The following THEMIS variants were observed in gnomAD, a reference collection of about 807,000 sequenced individuals.
THEMIS encodes the protein protein THEMIS.
A neutral mutation model predicts 52.6 loss-of-function variants in THEMIS; 37 were observed. The observed-to-expected ratio is 0.70, with a 90% CI of 0.54 to 0.93. The LOEUF is 0.93. THEMIS is among the 40% of genes least tolerant of loss of function. THEMIS has a pLI of 0.00. For missense variants in THEMIS, 808 were observed against 763.1 expected, an observed-to-expected ratio of 1.06 and a Z score of -0.69; for synonymous variants, 292 against 272.7, an observed-to-expected ratio of 1.07 and a Z score of -0.70.
chr6:127,798,572 G>A (rs1777409687), intron 4 of THEMIS, among the ~76,000 whole-genome samples: 1 of 152,156 alleles, frequency 6.6e-6, no homozygotes, highest in Admixed American at 6.5e-5. Flanking sequence ...CAGTGTTCAT[G>A]TCTTGGGAAT....
chr6:127,912,111 C>A (rs1781426618), intron 1 of THEMIS, among the ~76,000 whole-genome samples: 1 of 152,148 alleles, frequency 6.6e-6, no homozygotes, highest in African/African-American at 2.4e-5. Context: ...CCTCTTGCAT[C>A]AGCATGATCT....
At chr6:127,871,754 G>A (rs1780163431) in intron 1 of THEMIS, among the ~76,000 whole-genome samples, 1 of 152,060 alleles carries the variant, frequency 6.6e-6, no homozygotes, top group Non-Finnish European at 1.5e-5. Context: ...CATCCAGTAT[G>A]AAATAGATAA....
chr6:127,792,084 T>C (rs1021468631), intron 4 of THEMIS, among the ~76,000 whole-genome samples: 1 of 152,128 alleles, frequency 6.6e-6, no homozygotes, highest in Admixed American at 6.5e-5. Flanking sequence ...GGCTTCCACC[T>C]GTTCCCGGCT....
At chr6:127,888,425 T>C (rs533182246) in intron 1 of THEMIS, among the ~76,000 whole-genome samples, 1 of 152,106 alleles carries the variant, frequency 6.6e-6, no homozygotes, top group East Asian at 1.9e-4. Flanking sequence ...AGGGGATAAA[T>C]GGAAGTTGTG....
At chr6:127,872,288 T>A (rs1280523850) in intron 1 of THEMIS, among the ~76,000 whole-genome samples, 1 of 152,106 alleles carries the variant, frequency 6.6e-6, no homozygotes, top group Admixed American at 6.6e-5. Flanking sequence ...AACAAACTCT[T>A]ACGCTGGGAG....
At chr6:127,844,490 C>T (rs1207654638) in intron 2 of THEMIS, among the ~76,000 whole-genome samples, 1 of 151,596 alleles carries the variant, frequency 6.6e-6, no homozygotes, top group African/African-American at 2.4e-5. Flanking sequence ...AGAAAAATGT[C>T]TTTATCTGGC....
intron 1 of THEMIS, among the ~76,000 whole-genome samples, chr6:127,912,893 A>G (rs1259198932): frequency 1.3e-5 from 2 of 152,226 alleles, no homozygotes; most frequent in African/African-American, 4.8e-5. Flanking sequence ...AACTGCTTTC[A>G]TGTTGAAGTT....
At chr6:127,748,066 GT>G (rs1339060069) in intron 4 of THEMIS, among the ~76,000 whole-genome samples, 1 of 152,072 alleles carries the variant, frequency 6.6e-6, no homozygotes, top group Admixed American at 6.6e-5. Context: ...TTTCCACTTT[GT>G]TTTTTGCAAT....
At chr6:127,819,115 G>A (rs1400357133) in intron 3 of THEMIS, among the ~76,000 whole-genome samples, 31 of 45,600 alleles carry the variant, frequency 6.8e-4, no homozygotes, top group African/African-American at 3.1e-3. Flanking sequence ...GTGAGACTCT[G>A]TCTAAAAAAA....
rs572119231 is a variant in THEMIS, at chr6:127,850,883, A to AAAT, written c.250+4144_250+4146dup. On this transcript the variant is annotated intron_variant, in intron 2 of 5. Coordinates refer to ENST00000368248, the MANE Select transcript of THEMIS (RefSeq NM_001010923.3). Reference sequence around the variant, plus strand: ...ACTACTTGTAACCCTGAATCTATGGAAATAATAATAATAATAATAACATAA... The same window carrying AAAT: ...ACTACTTGTAACCCTGAATCTATGGAAATAATAATAATAATAATAATAACATAA... Among the ~76,000 whole-genome samples, 110 of 151,520 alleles carry AAAT rather than the reference A, an allele frequency of 7.3e-4. 1 individual carries two copies. The South Asian group carries it at 0.012, about 16-fold the overall frequency.
intron 4 of THEMIS, among the ~76,000 whole-genome samples, chr6:127,766,460 C>T (rs547092304): frequency 4.5e-4 from 69 of 152,194 alleles, no homozygotes; most frequent in African/African-American, 1.5e-3. Flanking sequence ...TATTCTACTT[C>T]TATATAACAT....
intron 4 of THEMIS, among the ~76,000 whole-genome samples, chr6:127,777,334 G>T (rs1249448025): frequency 1.3e-5 from 2 of 151,638 alleles, no homozygotes; most frequent in African/African-American, 2.4e-5. Flanking sequence ...GTTGCTTTAG[G>T]TTTACAATAT....
intron 4 of THEMIS, among the ~76,000 whole-genome samples, chr6:127,811,355 C>A (rs1777901602): frequency 6.6e-6 from 1 of 152,202 alleles, no homozygotes; most frequent in Admixed American, 6.5e-5. Flanking sequence ...CTTGTCTTCT[C>A]TGGCTTCTAG....
chr6:127,905,131 C>T (rs1344439946), upstream of THEMIS, among the ~76,000 whole-genome samples: 1 of 151,992 alleles, frequency 6.6e-6, no homozygotes, highest in Non-Finnish European at 1.5e-5. Flanking sequence ...AGGCATCAAT[C>T]CATAGATTCA....
At chr6:127,714,857 A>G (rs1005272738) in intron 5 of THEMIS, among the ~76,000 whole-genome samples, 1 of 151,928 alleles carries the variant, frequency 6.6e-6, no homozygotes, top group Middle Eastern at 3.2e-3. Context: ...TTTCCCTCTC[A>G]ATATGGTACA....
intron 5 of THEMIS, 148 bp from the exon 6 acceptor site, chr6:127,710,164 A>AAT: frequency 3.9e-6 from 2 of 519,050 alleles, no homozygotes; most frequent in East Asian, 3.4e-5. Flanking sequence ...CAGCAAAATA[A>AAT]AGAAAAAAAA....
At chr6:127,732,415 C>T (rs966694800) in intron 4 of THEMIS, among the ~76,000 whole-genome samples, 4 of 152,068 alleles carry the variant, frequency 2.6e-5, no homozygotes, top group African/African-American at 9.7e-5. Flanking sequence ...GTATATAATA[C>T]TTTCATGAAA....
chr6:127,760,175 T>A (rs1241337351), intron 4 of THEMIS, among the ~76,000 whole-genome samples: 1 of 152,016 alleles, frequency 6.6e-6, no homozygotes, highest in African/African-American at 2.4e-5. Context: ...GTCATCCTTA[T>A]CAAAGATACG....
At chr6:127,779,280 C>T (rs1304067430) in intron 4 of THEMIS, among the ~76,000 whole-genome samples, 1 of 152,116 alleles carries the variant, frequency 6.6e-6, no homozygotes, top group Admixed American at 6.5e-5. Context: ...TAAAATATAT[C>T]CTTAAATAGA....
Sources: gnomAD v4.1 joint callset for allele counts (sites outside exome capture counted in the v4.1 genomes callset) on GRCh38, gnomAD v4.1.1 for gene constraint, MANE v1.5 for transcripts, NCBI Gene and HGNC (gene_info 2026-07-23, HGNC 2026-07-21) for gene names.